Variants in AFF3 observed in about 807,000 individuals in gnomAD.
AFF3 encodes AF4/FMR2 family member 3.
Under a neutral mutation model 129.7 loss-of-function variants are expected in AFF3, and 32 were observed. The ratio of observed to expected loss-of-function variants is 0.25; its 90% CI spans 0.19 to 0.33. The LOEUF is 0.33. AFF3 is among the 10% of genes least tolerant of loss of function. The pLI is 1.00. For missense variants in AFF3, 1,373 were observed against 1,592.0 expected (o/e 0.86, Z 2.34); for synonymous variants, 644 against 635.4 (o/e 1.01, Z -0.20).
Position 100,007,231 on chromosome 2 carries a change from G to A in AFF3, c.404C>T (p.Ala135Val), listed in dbSNP as rs1482190367. Reference protein sequence around the residue: ...ICSTTTSTPAAVPVQQSKRGT... With the variant: ...ICSTTTSTPAVVPVQQSKRGT... ...TCTCTTACTCTGCTGCACGGGGACA[G>A]CTGCTGGTGTGGAAGTTGTAGTGCT... Residue 135 changes from alanine to valine, a missense_variant, in exon 6 of 25, where the codon GCT (alanine) becomes GTT (valine). By Grantham distance (64) the Ala-to-Val change is moderately conservative. Coordinates refer to ENST00000672756, the MANE Select transcript of AFF3 (RefSeq NM_001386135.1). 6.2e-7 allele frequency: 1 copy of A among 1,614,178 alleles called. No individual in the cohort carries two copies. The highest frequency in any genetic ancestry group is 1.1e-5 in the South Asian group (1 of 91,086).
chr2:100,044,622 A>G (rs912661763), intron 4 of AFF3, among the ~76,000 whole-genome samples: 1 of 152,110 alleles, frequency 6.6e-6, no homozygotes, highest in Admixed American at 6.5e-5. Context: ...CGTGGGCTAG[A>G]CAGATGCTTG....
At chr2:99,754,849 A>G (rs753168307) in intron 8 of AFF3, among the ~76,000 whole-genome samples, 3 of 152,148 alleles carry the variant, frequency 2.0e-5, no homozygotes, top group African/African-American at 4.8e-5. Flanking sequence ...AAAACTTACC[A>G]TTGGCAGGCA....
At position 99,621,908 on chromosome 2, in the gene AFF3, C is replaced by T. The variant is rs373151502; in HGVS notation, c.1185-20287G>A. Among the ~76,000 whole-genome samples the T allele has an allele frequency of 6.1e-4, 93 of 152,182 alleles. 1 individual carries two copies. Among genetic ancestry groups the T allele is most frequent in the African/African-American group, 1.9e-3 (77 of 41,506 alleles). On this transcript the variant is annotated intron_variant, in intron 13 of 24. Transcript: ENST00000672756. ...GTTGTGTGGGGGAAGCTGAAATAGA[C>T]GCAGGCCACGGGGAGGAACCATTTA... is the stretch of plus-strand genomic sequence containing the variant.
intron 7 of AFF3, among the ~76,000 whole-genome samples, chr2:99,884,822 T>C (rs1692983441): frequency 6.6e-6 from 1 of 152,204 alleles, no homozygotes; most frequent in Non-Finnish European, 1.5e-5. Flanking sequence ...AGGAGACACA[T>C]TCTGGTGAGG....
chr2:99,895,971 A>G (rs1254815451), intron 7 of AFF3, among the ~76,000 whole-genome samples: 1 of 149,556 alleles, frequency 6.7e-6, no homozygotes, highest in Non-Finnish European at 1.5e-5. Context: ...TGGGAGGCTA[A>G]GGCAGGAGAA....
At chr2:99,655,757 C>A (rs533681309) in intron 12 of AFF3, among the ~76,000 whole-genome samples, 4 of 151,900 alleles carry the variant, frequency 2.6e-5, no homozygotes, top group Non-Finnish European at 5.9e-5. Context: ...AAAAATAGTA[C>A]GGAGGGAGGC....
chr2:100,008,321 T>C lies in AFF3; in HGVS notation c.174+491A>G, dbSNP rs1257226696. Among the ~76,000 whole-genome samples the C allele has an allele frequency of 2.0e-5, 3 of 152,278 alleles. No homozygotes were observed. The East Asian group carries it at 5.8e-4, about 29-fold the overall frequency. On this transcript the variant is annotated intron_variant, in intron 5 of 24. Coordinates refer to ENST00000672756, the MANE Select transcript of AFF3 (RefSeq NM_001386135.1). ...GGTATTTGTGAAATCTGGGATGACA[T>C]TTCATTTTGGAAGCAAGGTTATATT... is the stretch of plus-strand genomic sequence containing the variant.
At chr2:100,084,704 G>C (rs916929215) in intron 4 of AFF3, among the ~76,000 whole-genome samples, 2 of 151,990 alleles carry the variant, frequency 1.3e-5, no homozygotes, top group East Asian at 3.9e-4. Flanking sequence ...CTTAGAAAAA[G>C]AAAATGAACA....
chr2:100,118,403 TA>T (rs1023307243), intron 2 of AFF3, among the ~76,000 whole-genome samples: 2 of 152,166 alleles, frequency 1.3e-5, no homozygotes, highest in African/African-American at 4.8e-5. Context: ...GCAGCTTACT[TA>T]AACTTTCTAA....
At chr2:99,635,611 C>T (rs925083781) in intron 13 of AFF3, among the ~76,000 whole-genome samples, 1 of 152,142 alleles carries the variant, frequency 6.6e-6, no homozygotes, top group Admixed American at 6.5e-5. Context: ...CAATTTTGTT[C>T]TATTTCAAGG....
chr2:99,971,276 A>G (rs1453523276), intron 7 of AFF3, among the ~76,000 whole-genome samples: 3 of 152,152 alleles, frequency 2.0e-5, no homozygotes, highest in Admixed American at 6.5e-5. Context: ...TGCTGCCTGC[A>G]ATAGTTGCCT....
At chr2:99,779,961 C>T (rs573370427) in intron 8 of AFF3, among the ~76,000 whole-genome samples, 6 of 152,220 alleles carry the variant, frequency 3.9e-5, no homozygotes, top group South Asian at 2.1e-4. Context: ...AAAAGATAGC[C>T]GCACATCATT....
chr2:99,999,642 T>C (rs1206836274), intron 7 of AFF3, among the ~76,000 whole-genome samples: 1 of 152,136 alleles, frequency 6.6e-6, no homozygotes, highest in East Asian at 1.9e-4. Flanking sequence ...TAAATAACTA[T>C]AGGAATTATT....
chr2:99,921,170 A>G (rs1695832912), intron 7 of AFF3, among the ~76,000 whole-genome samples: 1 of 152,132 alleles, frequency 6.6e-6, no homozygotes, highest in South Asian at 2.1e-4. Context: ...CATCAAAGCT[A>G]AAAATTGTTA....
At chr2:99,657,239 GCT>G (rs1015593420) in intron 12 of AFF3, among the ~76,000 whole-genome samples, 2 of 152,248 alleles carry the variant, frequency 1.3e-5, no homozygotes, top group Admixed American at 1.3e-4. Context: ...TGATTTTCTG[GCT>G]CTCTGTCTAT....
chr2:99,942,738 T>C (rs1029768488), intron 7 of AFF3, among the ~76,000 whole-genome samples: 9 of 151,982 alleles, frequency 5.9e-5, no homozygotes, highest in Admixed American at 3.3e-4. Flanking sequence ...GTTTCCCAAG[T>C]TGCCCTTGAC....
At chr2:99,802,592 G>A (rs897213895) in intron 8 of AFF3, among the ~76,000 whole-genome samples, 1 of 151,988 alleles carries the variant, frequency 6.6e-6, no homozygotes, top group Non-Finnish European at 1.5e-5. Context: ...GAGCCCAGTA[G>A]TTTGAGGTGG....
intron 8 of AFF3, among the ~76,000 whole-genome samples, chr2:99,782,714 A>G (rs1684503259): frequency 6.6e-6 from 1 of 152,234 alleles, no homozygotes; most frequent in African/African-American, 2.4e-5. Context: ...CTCCATCTCA[A>G]CACACGTACA....
At chr2:100,030,101 A>G (rs1169922169) in intron 4 of AFF3, among the ~76,000 whole-genome samples, 1 of 151,210 alleles carries the variant, frequency 6.6e-6, no homozygotes. Flanking sequence ...AATAATAATG[A>G]TAAGATGATA....
Sources: gnomAD v4.1 joint callset for allele counts (sites outside exome capture counted in the v4.1 genomes callset) on GRCh38, gnomAD v4.1.1 for gene constraint, MANE v1.5 for transcripts, NCBI Gene and HGNC (gene_info 2026-07-23, HGNC 2026-07-21) for gene names.